MACROD2: variants seen among roughly 807,000 people sequenced by gnomAD.
The protein encoded by MACROD2 is ADP-ribose glycohydrolase MACROD2.
In MACROD2, 36 loss-of-function variants were observed where a neutral mutation model predicts 70.4. That is an observed-to-expected ratio of 0.51 (90% CI 0.39 to 0.68). MACROD2 has a LOEUF of 0.68. Ranked by LOEUF, MACROD2 falls within the 30% of genes least tolerant of loss-of-function variation. The probability of loss-of-function intolerance (pLI) is 0.00; values close to 1 mark genes in which losing one functional copy is unlikely to be tolerated. For missense variants in MACROD2, 496 were observed against 538.4 expected (o/e 0.92, Z 0.78); for synonymous variants, 172 against 178.8 (o/e 0.96, Z 0.30).
At chr20:14,329,464 C>T (rs1332110066) in intron 3 of MACROD2, 1 of 152,028 alleles carries the variant, frequency 6.6e-6, no homozygotes, top group Non-Finnish European at 1.5e-5. Flanking sequence ...GATAGGTTGA[C>T]CTCTTTGTTT....
intron 5 of MACROD2, among the ~76,000 whole-genome samples, chr20:14,961,478 G>A (rs1035878678): frequency 2.6e-5 from 4 of 152,012 alleles, no homozygotes; most frequent in African/African-American, 9.7e-5. Context: ...TCAAATACAC[G>A]AACATTATGT....
intron 5 of MACROD2, among the ~76,000 whole-genome samples, chr20:14,977,883 AT>A (rs750259545): frequency 1.3e-5 from 2 of 151,824 alleles, no homozygotes; most frequent in South Asian, 2.1e-4. Flanking sequence ...ATTCTGTTGA[AT>A]TTTTTTTTCT....
intron 4 of MACROD2, among the ~76,000 whole-genome samples, chr20:14,667,272 C>T (rs190043183): frequency 6.6e-6 from 1 of 152,082 alleles, no homozygotes; most frequent in Non-Finnish European, 1.5e-5. Context: ...AGCCAGCACT[C>T]CTGTATAAAT....
chr20:14,996,228 C>T (rs1370982074), intron 5 of MACROD2, among the ~76,000 whole-genome samples: 1 of 152,216 alleles, frequency 6.6e-6, no homozygotes, highest in Non-Finnish European at 1.5e-5. Context: ...GTGCTCTGCA[C>T]ATGGCTGCTA....
intron 3 of MACROD2, among the ~76,000 whole-genome samples, chr20:14,374,645 A>G (rs1302268658): frequency 1.3e-5 from 2 of 152,144 alleles, no homozygotes; most frequent in African/African-American, 4.8e-5. Flanking sequence ...CAGCAATAAT[A>G]GTTGGCTTTT....
At chr20:14,733,472 TTAA>T (rs1423319978) in intron 5 of MACROD2, among the ~76,000 whole-genome samples, 13 of 152,116 alleles carry the variant, frequency 8.5e-5, no homozygotes, top group South Asian at 6.2e-4. Context: ...TATTTTATAG[TTAA>T]TAATAATTTA....
intron 5 of MACROD2, among the ~76,000 whole-genome samples, chr20:14,989,782 G>A (rs1158333755): frequency 6.6e-6 from 1 of 152,174 alleles, no homozygotes; most frequent in African/African-American, 2.4e-5. Flanking sequence ...GTTTTAGGTC[G>A]GTCATAGCTT....
At chr20:15,630,675 A>G (rs181215519) in intron 8 of MACROD2, among the ~76,000 whole-genome samples, 23 of 152,368 alleles carry the variant, frequency 1.5e-4, no homozygotes, top group Admixed American at 4.6e-4. Flanking sequence ...GTTCACGAAA[A>G]TCATCAACAG....
chr20:14,426,538 A>C (rs528928248), intron 3 of MACROD2, among the ~76,000 whole-genome samples: 7 of 152,274 alleles, frequency 4.6e-5, no homozygotes, highest in African/African-American at 1.7e-4. Flanking sequence ...TCTTTTGCTT[A>C]TCCACTGACA....
intron 8 of MACROD2, among the ~76,000 whole-genome samples, chr20:15,799,596 T>C (rs2063705665): frequency 6.6e-6 from 1 of 152,216 alleles, no homozygotes; most frequent in Non-Finnish European, 1.5e-5. Flanking sequence ...TCCACCTCTA[T>C]TCCTGTTTCT....
intron 5 of MACROD2, among the ~76,000 whole-genome samples, chr20:14,702,585 A>ATGTG (rs202094832): frequency 1.4e-5 from 1 of 69,170 alleles, no homozygotes; most frequent in Non-Finnish European, 2.7e-5. Flanking sequence ...GTGTATATAT[A>ATGTG]TGTATATATA....
chr20:14,493,361 T>C (rs2084815577), intron 3 of MACROD2, 118 bp from the exon 4 acceptor site: 1 of 624,694 alleles, frequency 1.6e-6, no homozygotes, highest in Admixed American at 2.7e-5. Context: ...AAATATTTTG[T>C]GTTTATGTAT....
intron 3 of MACROD2, among the ~76,000 whole-genome samples, chr20:14,231,280 C>G (rs1433083354): frequency 6.6e-6 from 1 of 151,954 alleles, no homozygotes; most frequent in Admixed American, 6.6e-5. Context: ...TAATGCTATC[C>G]CTCCCCACTG....
chr20:15,215,557 A>G (rs1214355801), intron 5 of MACROD2, among the ~76,000 whole-genome samples: 1 of 152,024 alleles, frequency 6.6e-6, no homozygotes, highest in Non-Finnish European at 1.5e-5. Context: ...AAATACATAA[A>G]ATACATAAAA....
chr20:14,350,239 A>G (rs1453414646), intron 3 of MACROD2, among the ~76,000 whole-genome samples: 2 of 152,020 alleles, frequency 1.3e-5, no homozygotes, highest in African/African-American at 2.4e-5. Flanking sequence ...TTTTGGGTAT[A>G]TAACCAGCAG....
At chr20:15,343,958 T>A (rs187173111) in intron 6 of MACROD2, among the ~76,000 whole-genome samples, 1 of 152,160 alleles carries the variant, frequency 6.6e-6, no homozygotes, top group East Asian at 1.9e-4. Flanking sequence ...GGTGAATACA[T>A]GATTAACTAC....
At chr20:14,734,944 G>A (rs994926834) in intron 5 of MACROD2, among the ~76,000 whole-genome samples, 9 of 151,948 alleles carry the variant, frequency 5.9e-5, no homozygotes, top group African/African-American at 2.2e-4. Context: ...TATGCAAAAG[G>A]ATGACATTGA....
At chr20:14,538,022 T>C (rs1600357299) in intron 4 of MACROD2, among the ~76,000 whole-genome samples, 1 of 152,268 alleles carries the variant, frequency 6.6e-6, no homozygotes, top group African/African-American at 2.4e-5. Context: ...TGCTATTTGC[T>C]ATCTTTTCTC....
In MACROD2 at chr20:14,539,993, C is replaced by G. The variant is rs531450762; in HGVS notation, c.301+46485C>G. 8.5e-5 allele frequency among the ~76,000 whole-genome samples: 13 copies of G among 152,218 alleles called. No homozygotes were observed. The South Asian group carries it at 1.0e-3, about 12-fold the overall frequency. On this transcript the variant is annotated intron_variant, in intron 4 of 17. Transcript: ENST00000684519. ...TACATTTTGAGACCGTTTTGCCCTT[C>G]TTTTAAAGGTCCTTATAGTCTCATA...
Sources: gnomAD v4.1 joint callset for allele counts (sites outside exome capture counted in the v4.1 genomes callset) on GRCh38, gnomAD v4.1.1 for gene constraint, MANE v1.5 for transcripts, NCBI Gene and HGNC (gene_info 2026-07-23, HGNC 2026-07-21) for gene names.